DCLK1: variants seen among roughly 807,000 people sequenced by gnomAD.
The protein encoded by DCLK1 is serine/threonine-protein kinase DCLK1.
Under a neutral mutation model 86.2 loss-of-function variants are expected in DCLK1, and 16 were observed. That is an observed-to-expected ratio of 0.19 (90% CI 0.13 to 0.28). The LOEUF (loss-of-function observed/expected upper bound fraction) is 0.28, where lower values mean the gene tolerates loss of function less well. Among genes scored for constraint, DCLK1 ranks in the 10% least tolerant of loss-of-function variants. The pLI is 1.00. For missense variants in DCLK1, 590 were observed against 940.2 expected, an observed-to-expected ratio of 0.63 and a Z score of 4.87; for synonymous variants, 369 against 370.5, an observed-to-expected ratio of 1.00 and a Z score of 0.05.
intron 6 of DCLK1, chr13:35,850,694 C>T (rs759921077): frequency 2.9e-5 from 46 of 1,574,144 alleles, no homozygotes; most frequent in Non-Finnish European, 3.6e-5. Context: ...CAATCACAAA[C>T]CATATACATT....
intron 12 of DCLK1, 81 bp downstream of exon 12, chr13:35,810,754 A>G: frequency 6.5e-7 from 1 of 1,530,334 alleles, no homozygotes; most frequent in Non-Finnish European, 8.9e-7. Context: ...TGGATAGGGC[A>G]CAGCAGTACT....
At chr13:36,115,328 T>TAAAAAAAAC (rs10627322) in intron 2 of DCLK1, among the ~76,000 whole-genome samples, 11,957 of 151,706 alleles carry the variant, frequency 0.079, 894 homozygotes, top group African/African-American at 0.2. Context: ...GAATTTATCT[T>TAAAAAAAAC]AAACAAACAA....
At chr13:35,844,745 G>C (rs945917495) in intron 6 of DCLK1, among the ~76,000 whole-genome samples, 1 of 152,118 alleles carries the variant, frequency 6.6e-6, no homozygotes, top group Non-Finnish European at 1.5e-5. Flanking sequence ...ACTACAATTT[G>C]AAATTTTTAT....
intron 4 of DCLK1, among the ~76,000 whole-genome samples, chr13:35,919,796 C>T (rs977466687): frequency 1.3e-5 from 2 of 148,896 alleles, no homozygotes; most frequent in Non-Finnish European, 1.5e-5. Context: ...CCCCACCCCT[C>T]TCAAAAAAAA....
chr13:36,007,650 A>G (rs1047499827), intron 3 of DCLK1, among the ~76,000 whole-genome samples: 5 of 152,234 alleles, frequency 3.3e-5, no homozygotes, highest in Non-Finnish European at 7.3e-5. Context: ...ATTCCCTAAA[A>G]TAATATTTCC....
chr13:35,945,286 T>G (rs1168461505), intron 4 of DCLK1, among the ~76,000 whole-genome samples: 1 of 152,210 alleles, frequency 6.6e-6, no homozygotes, highest in Non-Finnish European at 1.5e-5. Context: ...TCTGGCATTT[T>G]CCTGTTGTAC....
chr13:35,915,960 T>A (rs968463007), intron 4 of DCLK1, among the ~76,000 whole-genome samples: 1 of 152,322 alleles, frequency 6.6e-6, no homozygotes, highest in Non-Finnish European at 1.5e-5. Flanking sequence ...AGAGTAAGTA[T>A]TTTAAAACAA....
intron 3 of DCLK1, among the ~76,000 whole-genome samples, chr13:36,036,251 G>A (rs879624559): frequency 2.0e-5 from 3 of 152,202 alleles, no homozygotes; most frequent in Non-Finnish European, 2.9e-5. Context: ...CTGCAGAACT[G>A]CCTCTGAGCT....
chr13:35,905,716 C>T (rs1035109700), intron 4 of DCLK1, among the ~76,000 whole-genome samples: 3 of 151,984 alleles, frequency 2.0e-5, no homozygotes, highest in Non-Finnish European at 4.4e-5. Flanking sequence ...GAGGCCAAGG[C>T]GGGTGGATCA....
chr13:35,794,777 C>T (rs2086774269), intron 15 of DCLK1, among the ~76,000 whole-genome samples: 1 of 152,150 alleles, frequency 6.6e-6, no homozygotes, highest in Non-Finnish European at 1.5e-5. Context: ...TACTGGAAAC[C>T]CCCAGTGCTT....
chr13:36,032,499 T>C (rs1347594667), intron 3 of DCLK1, among the ~76,000 whole-genome samples: 1 of 152,196 alleles, frequency 6.6e-6, no homozygotes, highest in South Asian at 2.1e-4. Context: ...GTGAAATAAA[T>C]TTGAGATTCA....
chr13:35,902,625 T>A (rs1431385495), intron 4 of DCLK1, among the ~76,000 whole-genome samples: 1 of 152,086 alleles, frequency 6.6e-6, no homozygotes, highest in African/African-American at 2.4e-5. Flanking sequence ...ATTAACAGAA[T>A]AATGGAACTG....
intron 4 of DCLK1, among the ~76,000 whole-genome samples, chr13:35,916,829 G>A (rs1875443821): frequency 6.6e-6 from 1 of 152,176 alleles, no homozygotes; most frequent in South Asian, 2.1e-4. Flanking sequence ...CTTGGAAGGT[G>A]AGGGCATTCA....
rs370622116 is a variant in DCLK1 at position 35,819,377 on chromosome 13, G to C, written c.1554+3352C>G. Among the ~76,000 whole-genome samples, 6 of 152,030 alleles carry C rather than the reference G, an allele frequency of 3.9e-5. No homozygotes were observed. In the East Asian group the frequency reaches 7.7e-4, roughly 20 times the overall value. On this transcript the variant is annotated intron_variant, in intron 11 of 16. Transcript: ENST00000360631. ...AATCAATATAGATCCTTAAGACCAGGCTACATTTTTATGCTGTTCTATAAG... is the reference window on the plus strand; with the variant it reads ...AATCAATATAGATCCTTAAGACCAGCCTACATTTTTATGCTGTTCTATAAG...
At chr13:35,964,661 T>C (rs1255296915) in intron 3 of DCLK1, among the ~76,000 whole-genome samples, 1 of 151,838 alleles carries the variant, frequency 6.6e-6, no homozygotes, top group African/African-American at 2.4e-5. Flanking sequence ...AATCTGAGCA[T>C]CAAAAAGAAA....
chr13:35,902,756 AG>A (rs1310192051), intron 4 of DCLK1, among the ~76,000 whole-genome samples: 1 of 152,160 alleles, frequency 6.6e-6, no homozygotes, highest in Non-Finnish European at 1.5e-5. Flanking sequence ...AGACACAGGC[AG>A]GGCCTCCTAA....
At chr13:35,967,249 TG>T (rs1878814672) in intron 3 of DCLK1, among the ~76,000 whole-genome samples, 1 of 132,932 alleles carries the variant, frequency 7.5e-6, no homozygotes, top group African/African-American at 2.7e-5. Flanking sequence ...TCTGGGAGGT[TG>T]GGGGCGCCTC....
At chr13:36,041,748 C>T (rs1882708695) in intron 3 of DCLK1, among the ~76,000 whole-genome samples, 1 of 152,172 alleles carries the variant, frequency 6.6e-6, no homozygotes, top group Non-Finnish European at 1.5e-5. Context: ...AATACACACT[C>T]TTGTACACAT....
chr13:35,938,584 G>A (rs965251244), intron 4 of DCLK1, among the ~76,000 whole-genome samples: 9 of 151,776 alleles, frequency 5.9e-5, no homozygotes, highest in South Asian at 2.1e-4. Flanking sequence ...AGCCAAGATC[G>A]CGCCACTGCA....
Sources: allele counts gnomAD v4.1 joint callset (sites outside exome capture counted in the v4.1 genomes callset), GRCh38; gene constraint gnomAD v4.1.1; transcripts MANE v1.5; gene names NCBI Gene and HGNC (gene_info 2026-07-23, HGNC 2026-07-21).